GNL3L: variants seen among roughly 807,000 people sequenced by gnomAD.
The protein encoded by GNL3L is G protein nucleolar 3 like.
A neutral mutation model predicts 42.9 loss-of-function variants in GNL3L; 4 were observed. The observed-to-expected ratio is 0.09, with a 90% CI of 0.05 to 0.21. The LOEUF (loss-of-function observed/expected upper bound fraction) is 0.21, where lower values mean the gene tolerates loss of function less well. Among genes scored for constraint, GNL3L ranks in the 10% least tolerant of loss-of-function variants. GNL3L has a pLI of 1.00. For missense variants in GNL3L, 412 were observed against 481.7 expected (o/e 0.86, Z 1.36); for synonymous variants, 159 against 176.3 (o/e 0.90, Z 0.78).
chrX:54,552,543 A>G, intron 13 of GNL3L, 115 bp downstream of exon 13: 1 of 662,516 alleles, frequency 1.5e-6, no homozygotes, highest in East Asian at 3.5e-5. Flanking sequence ...GCTTTGGGCA[A>G]GTTGCTTAAG....
chrX:54,640,755 C>A, the GNL3L span, among the ~76,000 whole-genome samples: 5 of 112,366 alleles, frequency 4.4e-5, no homozygotes, highest in African/African-American at 1.6e-4. Flanking sequence ...CCGTTGACAT[C>A]AGAAGCCAAG....
rs902479421 is a variant in GNL3L at position 54,542,145 on chromosome X, G to C, written c.306+756G>C. ...AAGTTCTAGGGTACACGTGCACAAC[G>C]TGCAGGTTTGTTACATATGTATCCA... On this transcript the variant is annotated intron_variant, in intron 5 of 15. Coordinates refer to ENST00000360845, the MANE Select transcript of GNL3L (RefSeq NM_001184819.2). Among the ~76,000 whole-genome samples the C allele has an allele frequency of 2.7e-5, 3 of 111,710 alleles. No individual in the cohort carries two copies. The Admixed American group carries it at 2.9e-4, about 11-fold the overall frequency.
At chrX:54,621,218 G>C (rs1277015121) in exon 17 of GNL3L, among the ~76,000 whole-genome samples, 1 of 112,009 alleles carries the variant, frequency 8.9e-6, no homozygotes, top group South Asian at 3.7e-4. Flanking sequence ...TTTAGGCTAA[G>C]TCATATAAAA....
rs773654973 is a variant in GNL3L, at chrX:54,560,543, G to T, written c.1690G>T (p.Asp564Tyr). 8.5e-7 allele frequency: 1 copy of T among 1,176,393 alleles called. No individual in the cohort carries two copies. The highest frequency in any genetic ancestry group is 1.8e-5 in the South Asian group (1 of 56,157). ...AGATAAAATCGCCAGCAAGCTGTCT[G>T]ATTCCATGATGTCTGCTCTCGACCT... Reference protein sequence around the residue: ...RADKIASKLSDSMMSALDLSG... With the variant: ...RADKIASKLSYSMMSALDLSG... The change falls in exon 16 of 16, where the codon GAT (aspartate) becomes TAT (tyrosine). Residue 564 changes from aspartate (D) to tyrosine (Y), a missense_variant. By Grantham distance (160) the Asp-to-Tyr change is radical. Coordinates refer to ENST00000360845, the MANE Select transcript of GNL3L (RefSeq NM_001184819.2).
Position 54,573,004 on chromosome X carries a change from C to T in GNL3L, c.*45+12357C>T, listed in dbSNP as rs766521640. On this transcript the variant is annotated intron_variant, in intron 16 of 16. Transcript: ENST00000674498. ...AGATGTGATGGCGGCCGGGAAGAGG[C>T]GCTCCTCACTTTACAGATGGGATGG... 1.9e-3 allele frequency among the ~76,000 whole-genome samples: 201 copies of T among 108,641 alleles called. 1 individual carries two copies. The highest frequency in any genetic ancestry group is 6.0e-3 in the African/African-American group (180 of 29,821). The allele number at this position is 108,641 out of a possible 115,157, so 94.3% of individuals were successfully genotyped here. A position where few individuals can be genotyped will look rare whatever the true frequency, so the allele number is the denominator to read the frequency against.
intron 16 of GNL3L, among the ~76,000 whole-genome samples, chrX:54,584,714 C>A: frequency 8.9e-6 from 1 of 112,646 alleles, no homozygotes; most frequent in Non-Finnish European, 1.9e-5. Flanking sequence ...TGGTGGGATT[C>A]CTGGATCAAA....
chrX:54,543,426 G>A, intron 7 of GNL3L, 84 bp downstream of exon 7: 1 of 958,546 alleles, frequency 1.0e-6, no homozygotes, highest in Non-Finnish European at 1.5e-6. Flanking sequence ...ACTGAACCCA[G>A]CAACTCAGTG....
chrX:54,533,977 G>T (rs1466733604), intron 2 of GNL3L, among the ~76,000 whole-genome samples: 3 of 109,464 alleles, frequency 2.7e-5, no homozygotes, highest in Non-Finnish European at 5.7e-5. Context: ...GTATTGTGTG[G>T]AAAGACTATT....
At chrX:54,638,172 C>T in the GNL3L span, among the ~76,000 whole-genome samples, 2 of 111,003 alleles carry the variant, frequency 1.8e-5, no homozygotes, top group African/African-American at 3.3e-5. Context: ...CTGTGAAGTC[C>T]TAAACTCTTG....
rs757167799 is a variant in GNL3L, at chrX:54,532,501, T to G, written c.-47-19T>G. The G allele has an allele frequency of 2.7e-5, 25 of 934,337 alleles. No homozygotes were observed. Among genetic ancestry groups the G allele is most frequent in the Middle Eastern group, 2.6e-4 (1 of 3,825 alleles). 77.0% of individuals were successfully genotyped at this position (934,337 alleles called of 1,213,427 possible). On this transcript the variant is annotated intron_variant, in intron 1 of 15. Coordinates refer to ENST00000360845, the MANE Select transcript of GNL3L (RefSeq NM_001184819.2). ...GATTCCCAGCTGTCTTCAAATTGCT[T>G]CTTCTCCCATTCTGACAGGAAGAGA...
intron 16 of GNL3L, among the ~76,000 whole-genome samples, chrX:54,616,957 C>T (rs1489780879): frequency 8.9e-6 from 1 of 111,948 alleles, no homozygotes; most frequent in Non-Finnish European, 1.9e-5. Context: ...TAGATTTAAT[C>T]CCATGATATT....
intron 16 of GNL3L, among the ~76,000 whole-genome samples, chrX:54,575,921 G>C (rs1213132661): frequency 8.9e-6 from 1 of 111,809 alleles, no homozygotes; most frequent in Non-Finnish European, 1.9e-5. Flanking sequence ...AAAAAAAAAT[G>C]TATTAATACT....
intron 16 of GNL3L, among the ~76,000 whole-genome samples, chrX:54,583,906 G>A (rs1044619592): frequency 9.0e-6 from 1 of 110,887 alleles, no homozygotes; most frequent in African/African-American, 3.3e-5. Flanking sequence ...GTCTCCCAAA[G>A]TGCTAGGATT....
intron 16 of GNL3L, among the ~76,000 whole-genome samples, chrX:54,607,109 C>CT (rs1480200983): frequency 1.4e-5 from 1 of 69,330 alleles, no homozygotes; most frequent in Non-Finnish European, 2.6e-5. Context: ...TTCTTTCTTT[C>CT]TTTCTTTCTT....
intron 2 of GNL3L, among the ~76,000 whole-genome samples, chrX:54,534,282 G>C (rs1180769334): frequency 3.6e-5 from 4 of 109,951 alleles, no homozygotes; most frequent in Non-Finnish European, 5.7e-5. Context: ...GGATAAACGT[G>C]TGGCAGTGAA....
chrX:54,532,907 C>T (rs894504809), intron 2 of GNL3L, among the ~76,000 whole-genome samples: 4 of 111,817 alleles, frequency 3.6e-5, no homozygotes, highest in South Asian at 3.7e-4. Context: ...CATCTGCCTA[C>T]GTCGGCCTCC....
downstream of GNL3L, among the ~76,000 whole-genome samples, chrX:54,624,426 T>A (rs1172687876): frequency 9.4e-6 from 1 of 106,116 alleles, no homozygotes; most frequent in African/African-American, 3.6e-5. Context: ...GATTTCTTTT[T>A]TTTTTCTTTT....
At chrX:54,533,518 A>G (rs1176817225) in intron 2 of GNL3L, among the ~76,000 whole-genome samples, 1 of 111,902 alleles carries the variant, frequency 8.9e-6, no homozygotes, top group East Asian at 2.8e-4. Context: ...TGGTGGGAAA[A>G]AAATACATTT....
At chrX:54,555,493 T>C (rs949296210) in intron 14 of GNL3L, among the ~76,000 whole-genome samples, 4 of 109,364 alleles carry the variant, frequency 3.7e-5, no homozygotes, top group Non-Finnish European at 7.6e-5. Context: ...TTTTTTGAGA[T>C]GGAAACTCGC....
Sources: allele counts gnomAD v4.1 joint callset (sites outside exome capture counted in the v4.1 genomes callset), GRCh38; gene constraint gnomAD v4.1.1; transcripts MANE v1.5; gene names NCBI Gene and HGNC (gene_info 2026-07-23, HGNC 2026-07-21).